Variants in PRDM6 observed in about 807,000 individuals in gnomAD.
PRDM6 encodes the protein putative histone-lysine N-methyltransferase PRDM6.
Under a neutral mutation model 60.8 loss-of-function variants are expected in PRDM6, and 25 were observed. The observed-to-expected ratio is 0.41, with a 90% CI of 0.30 to 0.57. The LOEUF is 0.57. Ranked by LOEUF, PRDM6 falls within the 20% of genes least tolerant of loss-of-function variation. The pLI is 0.27. For synonymous variants in PRDM6, 407 were observed against 357.4 expected, an observed-to-expected ratio of 1.14 and a Z score of -1.57; for missense variants, 839 against 821.3, an observed-to-expected ratio of 1.02 and a Z score of -0.26.
intron 3 of PRDM6, among the ~76,000 whole-genome samples, chr5:123,111,623 G>C (rs535396592): frequency 6.6e-6 from 1 of 151,972 alleles, no homozygotes; most frequent in African/African-American, 2.4e-5. Context: ...GCGTGAACCC[G>C]GGGGGCGGAG....
At chr5:123,096,129 T>C (rs1052558227) in intron 2 of PRDM6, among the ~76,000 whole-genome samples, 1 of 152,284 alleles carries the variant, frequency 6.6e-6, no homozygotes, top group African/African-American at 2.4e-5. Context: ...TTACTCAAGA[T>C]AGAAGAGTAT....
intron 5 of PRDM6, 89 bp downstream of exon 5, chr5:123,159,727 C>A: frequency 7.8e-7 from 1 of 1,282,338 alleles, no homozygotes. Context: ...ACTCATGAAA[C>A]GTGGTTCACT....
At chr5:123,174,305 G>C (rs1472809373) in intron 6 of PRDM6, among the ~76,000 whole-genome samples, 1 of 152,202 alleles carries the variant, frequency 6.6e-6, no homozygotes, top group Non-Finnish European at 1.5e-5. Flanking sequence ...AGATCAGCTG[G>C]CCTTTAGTCT....
intron 3 of PRDM6, among the ~76,000 whole-genome samples, chr5:123,129,463 T>C (rs1764769986): frequency 1.3e-5 from 2 of 152,112 alleles, no homozygotes; most frequent in African/African-American, 2.4e-5. Flanking sequence ...AGTTCTTCTT[T>C]ACATCCTCTG....
chr5:123,151,035 A>G (rs335149), intron 3 of PRDM6, among the ~76,000 whole-genome samples: 109,384 of 152,100 alleles, frequency 0.72, 39,474 homozygotes, highest in Non-Finnish European at 0.75. Flanking sequence ...TCTTTAAGAA[A>G]ATACAGAATT....
intron 3 of PRDM6, among the ~76,000 whole-genome samples, chr5:123,119,278 G>A (rs548435324): frequency 1.4e-4 from 21 of 152,148 alleles, no homozygotes; most frequent in Non-Finnish European, 2.6e-4. Context: ...GAAAAAACAA[G>A]ATGAGAGATT....
At chr5:123,116,389 G>A (rs1384351005) in intron 3 of PRDM6, among the ~76,000 whole-genome samples, 1 of 152,192 alleles carries the variant, frequency 6.6e-6, no homozygotes, top group Non-Finnish European at 1.5e-5. Context: ...ATTATTAGGA[G>A]CTTTGCATTC....
chr5:123,139,401 GT>G (rs1765047298), intron 3 of PRDM6, among the ~76,000 whole-genome samples: 1 of 152,096 alleles, frequency 6.6e-6, no homozygotes, highest in Non-Finnish European at 1.5e-5. Context: ...ATATGTTCTT[GT>G]TTAGGTAGTC....
intron 3 of PRDM6, among the ~76,000 whole-genome samples, chr5:123,152,197 C>T (rs1191957510): frequency 1.3e-5 from 2 of 152,068 alleles, no homozygotes; most frequent in African/African-American, 4.8e-5. Flanking sequence ...TCAGTGGTGG[C>T]AGGAATTCCC....
chr5:123,146,099 C>T (rs141533785), intron 3 of PRDM6, among the ~76,000 whole-genome samples: 50 of 152,278 alleles, frequency 3.3e-4, no homozygotes, highest in African/African-American at 1.2e-3. Flanking sequence ...GTATTTAATA[C>T]GATTGCTGTC....
rs1299363750 is a variant in PRDM6 at position 123,168,938 on chromosome 5, TC to T, written c.1154-1823del. Among the ~76,000 whole-genome samples, 8 of 152,242 alleles carry T rather than the reference TC, an allele frequency of 5.3e-5. No individual in the cohort carries two copies. The East Asian group carries it at 1.5e-3, about 29-fold the overall frequency. On this transcript the variant is annotated intron_variant, in intron 5 of 7. Transcript: ENST00000407847. ...GCACAGAGCTTCGTGGCAGTCATAG[TC>T]CCCCACCGTTGAGGATGCCTGCATC... is the stretch of plus-strand genomic sequence containing the variant.
intron 3 of PRDM6, among the ~76,000 whole-genome samples, chr5:123,114,512 C>T (rs1764389490): frequency 6.6e-6 from 1 of 152,178 alleles, no homozygotes; most frequent in Non-Finnish European, 1.5e-5. Flanking sequence ...TGCTTTCTCT[C>T]CCGATATTAC....
At chr5:123,115,600 A>C (rs1330229288) in intron 3 of PRDM6, among the ~76,000 whole-genome samples, 2 of 152,236 alleles carry the variant, frequency 1.3e-5, no homozygotes, top group Non-Finnish European at 2.9e-5. Context: ...AGAAAAAAAC[A>C]AGAAAAACAA....
At chr5:123,128,036 G>C (rs191126135) in intron 3 of PRDM6, among the ~76,000 whole-genome samples, 15 of 151,862 alleles carry the variant, frequency 9.9e-5, no homozygotes, top group African/African-American at 2.7e-4. Flanking sequence ...TTCCGTCCTC[G>C]TGATAGTTTG....
chr5:123,134,999 A>AAAAAC (rs1187387985), intron 3 of PRDM6, among the ~76,000 whole-genome samples: 3 of 151,792 alleles, frequency 2.0e-5, no homozygotes, highest in Non-Finnish European at 2.9e-5. Flanking sequence ...AGTATTCTTA[A>AAAAAC]AAAAAAAACC....
At chr5:123,121,967 G>T (rs1227288416) in intron 3 of PRDM6, among the ~76,000 whole-genome samples, 2 of 150,770 alleles carry the variant, frequency 1.3e-5, no homozygotes, top group African/African-American at 4.9e-5. Context: ...TTCGAGACCA[G>T]CCTGGCCAAC....
In PRDM6 at chr5:123,165,958, G is replaced by A. The variant is rs943371028; in HGVS notation, c.1154-4808G>A. 5.3e-5 allele frequency among the ~76,000 whole-genome samples: 8 copies of A among 152,220 alleles called. No homozygotes were observed. The South Asian group carries it at 1.5e-3, about 28-fold the overall frequency. On this transcript the variant is annotated intron_variant, in intron 5 of 7. Transcript: ENST00000407847. ...GCCTATGGGTCACATAGAGTCTCCAGAAACATTTTCTATGGCCCATATAGC... is the reference window on the plus strand; with the variant it reads ...GCCTATGGGTCACATAGAGTCTCCAAAAACATTTTCTATGGCCCATATAGC...
chr5:123,104,753 G>A (rs753487005), intron 3 of PRDM6, among the ~76,000 whole-genome samples: 1 of 152,176 alleles, frequency 6.6e-6, no homozygotes. Flanking sequence ...ATTTGAAGAT[G>A]TCTTTTATAG....
At chr5:123,092,457 G>GA (rs1763862195) in intron 2 of PRDM6, among the ~76,000 whole-genome samples, 1 of 152,100 alleles carries the variant, frequency 6.6e-6, no homozygotes, top group Non-Finnish European at 1.5e-5. Context: ...ATGCAGTCTG[G>GA]AAAATTAATA....
Sources: gnomAD v4.1 joint callset for allele counts (sites outside exome capture counted in the v4.1 genomes callset) on GRCh38, gnomAD v4.1.1 for gene constraint, MANE v1.5 for transcripts, NCBI Gene and HGNC (gene_info 2026-07-23, HGNC 2026-07-21) for gene names.